CYSLTR1: variants seen among roughly 807,000 people sequenced by gnomAD.
CYSLTR1 encodes G-protein coupled receptor HG55.
CYSLTR1 carries 1 observed loss-of-function variant against 2.1 expected under a neutral mutation model. The ratio of observed to expected loss-of-function variants is 0.48; its 90% CI spans 0.17 to 2.28. CYSLTR1 has a LOEUF of 2.28. Among genes scored for constraint, CYSLTR1 ranks in the 30% most tolerant of loss-of-function variants. The pLI is 0.26. For synonymous variants in CYSLTR1, 110 were observed against 89.6 expected, an observed-to-expected ratio of 1.23 and a Z score of -1.28; for missense variants, 299 against 250.1, an observed-to-expected ratio of 1.20 and a Z score of -1.32.
At position 78,305,426 on chromosome X, in the gene CYSLTR1, T is replaced by C. The variant is rs184775228; in HGVS notation, c.-115+21879A>G. 1.8e-3 allele frequency among the ~76,000 whole-genome samples: 204 copies of C among 111,796 alleles called. 1 individual carries two copies. Among genetic ancestry groups the C allele is most frequent in the African/African-American group, 5.8e-3 (180 of 30,787 alleles). Reference sequence around the variant, plus strand: ...AAACAAACTTCCACCCTCACCCTTCTGATCAAAGTTGTCCCTGACAGCTCC... The same window carrying C: ...AAACAAACTTCCACCCTCACCCTTCCGATCAAAGTTGTCCCTGACAGCTCC... On this transcript the variant is annotated intron_variant, in intron 1 of 2. Coordinates refer to ENST00000373304, the MANE Select transcript of CYSLTR1 (RefSeq NM_006639.4).
chrX:78,279,737 T>G (rs1033700787), intron 2 of CYSLTR1, among the ~76,000 whole-genome samples: 2 of 112,238 alleles, frequency 1.8e-5, no homozygotes, highest in Non-Finnish European at 1.9e-5. Flanking sequence ...AAACATGGTA[T>G]GTATACACTA....
intron 1 of CYSLTR1, among the ~76,000 whole-genome samples, chrX:78,292,223 T>C (rs1227522622): frequency 8.9e-6 from 1 of 112,342 alleles, no homozygotes; most frequent in Non-Finnish European, 1.9e-5. Context: ...CATTTCTTTA[T>C]GTACCCAGTA....
In CYSLTR1 at chrX:78,273,471, A is replaced by G; in HGVS notation, c.276T>C (p.Gly92=). The change falls in exon 3 of 3, where the codon GGT becomes GGC. Residue 92 remains glycine (G), a synonymous_variant. Transcript: ENST00000373304. Reference sequence around the variant, plus strand: ...AGGTGCTGAGGCGGCACAAGAAGTCACCAAAGAGCCAAATGCCTTTGTGAA... The same window carrying G: ...AGGTGCTGAGGCGGCACAAGAAGTCGCCAAAGAGCCAAATGCCTTTGTGAA... ...YYVHKGIWLF[G]DFLCRLSTYA... 8.3e-7 allele frequency: 1 copy of G among 1,211,959 alleles called. No homozygotes were observed. Among genetic ancestry groups the G allele is most frequent in the Non-Finnish European group, 1.1e-6 (1 of 895,539 alleles).
At chrX:78,280,101 C>T (rs1921772073) in intron 2 of CYSLTR1, among the ~76,000 whole-genome samples, 1 of 110,246 alleles carries the variant, frequency 9.1e-6, no homozygotes, top group African/African-American at 3.3e-5. Flanking sequence ...CTGAATCCTC[C>T]CCACCCCCCA....
At chrX:78,301,267 G>C (rs770479645) in intron 1 of CYSLTR1, among the ~76,000 whole-genome samples, 1 of 112,583 alleles carries the variant, frequency 8.9e-6, no homozygotes, top group African/African-American at 3.2e-5. Flanking sequence ...AATTTCTGCA[G>C]CTGACTTGAA....
chrX:78,280,466 C>A (rs746840299), intron 2 of CYSLTR1, among the ~76,000 whole-genome samples: 1 of 108,094 alleles, frequency 9.3e-6, no homozygotes, highest in East Asian at 2.9e-4. Context: ...GAAATCATTT[C>A]CCTAACAAAG....
At chrX:78,278,072 G>T (rs1921678014) in intron 2 of CYSLTR1, among the ~76,000 whole-genome samples, 1 of 112,003 alleles carries the variant, frequency 8.9e-6, no homozygotes, top group Admixed American at 9.5e-5. Context: ...GCCCTTTTAA[G>T]AAAGAACCAA....
chrX:78,311,678 T>C (rs911325886), intron 1 of CYSLTR1, among the ~76,000 whole-genome samples: 5 of 112,172 alleles, frequency 4.5e-5, no homozygotes, highest in African/African-American at 1.6e-4. Context: ...GTCACATTTG[T>C]GTACACCAAA....
intron 1 of CYSLTR1, among the ~76,000 whole-genome samples, chrX:78,304,622 A>G (rs1221102315): frequency 1.8e-5 from 2 of 110,771 alleles, no homozygotes; most frequent in Non-Finnish European, 3.8e-5. Flanking sequence ...GGGGGTCTGA[A>G]GAAACTCCCC....
intron 1 of CYSLTR1, among the ~76,000 whole-genome samples, chrX:78,295,972 C>T (rs1472644752): frequency 3.6e-5 from 4 of 110,679 alleles, no homozygotes; most frequent in Non-Finnish European, 7.6e-5. Flanking sequence ...TTTTTTTTGC[C>T]CAGAACAATG....
At chrX:78,274,048 G>A (rs968912241) in intron 2 of CYSLTR1, among the ~76,000 whole-genome samples, 10 of 111,043 alleles carry the variant, frequency 9.0e-5, no homozygotes, top group African/African-American at 3.3e-4. Flanking sequence ...CAGCCCTCCT[G>A]TATTTTAAAT....
chrX:78,313,754 A>T (rs1289053185), intron 1 of CYSLTR1, among the ~76,000 whole-genome samples: 2 of 111,716 alleles, frequency 1.8e-5, no homozygotes, highest in African/African-American at 3.3e-5. Context: ...ATGTGAATGG[A>T]CATTGTTTCA....
At position 78,293,802 on chromosome X, in the gene CYSLTR1, G is replaced by A. The variant is rs151143441; in HGVS notation, c.-114-10262C>T. Among the ~76,000 whole-genome samples the A allele has an allele frequency of 2.5e-4, 28 of 112,103 alleles. No individual in the cohort carries two copies. The East Asian group carries it at 7.8e-3, about 31-fold the overall frequency. On this transcript the variant is annotated intron_variant, in intron 1 of 2. Transcript: ENST00000373304. ...CTGATGCTTGTGCATGCATCATGTAGTTCATGTGCCATGGTTTTCAGCTCC... is the reference window on the plus strand; with the variant it reads ...CTGATGCTTGTGCATGCATCATGTAATTCATGTGCCATGGTTTTCAGCTCC...
At chrX:78,279,782 A>G (rs1921753419) in intron 2 of CYSLTR1, among the ~76,000 whole-genome samples, 1 of 112,190 alleles carries the variant, frequency 8.9e-6, no homozygotes, top group African/African-American at 3.2e-5. Flanking sequence ...AGCATTAAAT[A>G]ACGTCCTTGG....
intron 1 of CYSLTR1, among the ~76,000 whole-genome samples, chrX:78,314,593 G>A (rs1390066364): frequency 3.6e-5 from 4 of 111,692 alleles, no homozygotes; most frequent in Non-Finnish European, 7.5e-5. Context: ...GTGGTGGGAA[G>A]AGTGTTTCTG....
At chrX:78,291,803 G>A (rs2147259320) in intron 1 of CYSLTR1, among the ~76,000 whole-genome samples, 1 of 110,593 alleles carries the variant, frequency 9.0e-6, no homozygotes, top group Admixed American at 9.6e-5. Flanking sequence ...GGGGTCAGTG[G>A]TGATATCCCC....
chrX:78,294,697 CT>C (rs936227812), intron 1 of CYSLTR1, among the ~76,000 whole-genome samples: 1 of 112,585 alleles, frequency 8.9e-6, no homozygotes, highest in Non-Finnish European at 1.9e-5. Flanking sequence ...GTGGATGCCC[CT>C]CCACCCAGCA....
chrX:78,280,535 G>T (rs1219496018), intron 2 of CYSLTR1, among the ~76,000 whole-genome samples: 2 of 103,459 alleles, frequency 1.9e-5, no homozygotes, highest in Admixed American at 1.1e-4. Context: ...TGGGGGGGGG[G>T]TAAGAATGCT....
Position 78,274,714 on chromosome X carries a change from C to A in CYSLTR1, c.-27-941G>T, listed in dbSNP as rs756753892. Among the ~76,000 whole-genome samples the A allele has an allele frequency of 3.7e-3, 403 of 110,008 alleles. 2 individuals carry two copies. The highest frequency in any genetic ancestry group is 0.013 in the African/African-American group (383 of 30,336). ...ACACCAAAAGCAATGACAACAAAAGCCAAAATTGACAAATGGGATCTAATT... is the reference window on the plus strand; with the variant it reads ...ACACCAAAAGCAATGACAACAAAAGACAAAATTGACAAATGGGATCTAATT... On this transcript the variant is annotated intron_variant, in intron 2 of 2. Transcript: ENST00000373304.
Sources: allele counts gnomAD v4.1 joint callset (sites outside exome capture counted in the v4.1 genomes callset), GRCh38; gene constraint gnomAD v4.1.1; transcripts MANE v1.5; gene names NCBI Gene and HGNC (gene_info 2026-07-23, HGNC 2026-07-21).